Variants in P4HA3 observed in about 807,000 individuals in gnomAD.
P4HA3 encodes the protein prolyl 4-hydroxylase subunit alpha-3.
In P4HA3, 60 loss-of-function variants were observed where a neutral mutation model predicts 66.7. The ratio of observed to expected loss-of-function variants is 0.90; its 90% confidence interval spans 0.73 to 1.12. P4HA3 has a LOEUF of 1.12. Among genes scored for constraint, P4HA3 ranks in the 50% most tolerant of loss-of-function variants. P4HA3 has a pLI of 0.00. For synonymous variants in P4HA3, 263 were observed against 274.6 expected (o/e 0.96, Z 0.42); for missense variants, 683 against 685.8 (o/e 1.00, Z 0.05).
intron 1 of P4HA3, among the ~76,000 whole-genome samples, chr11:74,309,103 CAT>C (rs1011688246): frequency 1.3e-5 from 2 of 152,288 alleles, no homozygotes; most frequent in Admixed American, 1.3e-4. Context: ...GTAGGGATAA[CAT>C]AGCATAGTAG....
At chr11:74,295,098 C>T (rs924513933) in intron 4 of P4HA3, among the ~76,000 whole-genome samples, 1 of 152,160 alleles carries the variant, frequency 6.6e-6, no homozygotes, top group Non-Finnish European at 1.5e-5. Context: ...GCATGCAAAA[C>T]CATGTAATTG....
At chr11:74,277,276 G>T in intron 8 of P4HA3, 132 bp from the exon 9 acceptor site, 1 of 1,194,662 alleles carries the variant, frequency 8.4e-7, no homozygotes, top group African/African-American at 1.5e-5. Flanking sequence ...GGAGGAAAGA[G>T]AGGGAGGGAA....
At chr11:74,258,316 G>A (rs1859859155) in intron 15 of P4HA3, among the ~76,000 whole-genome samples, 1 of 152,192 alleles carries the variant, frequency 6.6e-6, no homozygotes, top group Non-Finnish European at 1.5e-5. Context: ...CAGGCAATAG[G>A]TGACTGAGGA....
At position 74,284,165 on chromosome 11, in the gene P4HA3, T is replaced by C. The variant is rs188027252; in HGVS notation, c.1110+1644A>G. ...TATCTTTAAAGAGGCAACATGCTTA[T>C]AGAGGTGCATTTTTTCTTGTTAATA... On this transcript the variant is annotated intron_variant, in intron 7 of 12. Transcript: ENST00000331597. Among the ~76,000 whole-genome samples, 34 of 152,358 alleles carry C rather than the reference T, an allele frequency of 2.2e-4. 1 individual carries two copies. Among genetic ancestry groups the C allele is most frequent in the African/African-American group, 7.9e-4 (33 of 41,576 alleles).
chr11:74,286,128 T>C (rs1860790629), intron 6 of P4HA3, 100 bp downstream of exon 6: 2 of 1,495,848 alleles, frequency 1.3e-6, no homozygotes, highest in Middle Eastern at 2.3e-4. Context: ...AGCTTTATTG[T>C]TTTTAATGCA....
intron 15 of P4HA3, chr11:74,259,765 C>T (rs1199133095): frequency 1.3e-5 from 2 of 152,184 alleles, no homozygotes; most frequent in Non-Finnish European, 2.9e-5. Flanking sequence ...AATTCTGTTC[C>T]ATTTTATGGC....
chr11:74,261,926 T>A (rs939376324), downstream of P4HA3, among the ~76,000 whole-genome samples: 4 of 152,238 alleles, frequency 2.6e-5, no homozygotes, highest in African/African-American at 9.6e-5. Context: ...GAAACCTTGC[T>A]TCTAGTCTTG....
chr11:74,283,117 T>C (rs1211019293), intron 7 of P4HA3, among the ~76,000 whole-genome samples: 1 of 152,168 alleles, frequency 6.6e-6, no homozygotes, highest in African/African-American at 2.4e-5. Flanking sequence ...ACCATGTCAG[T>C]CCAGGGCTGA....
chr11:74,266,783 G>A lies in P4HA3; in HGVS notation c.*465C>T, dbSNP rs1292871637. The A allele has an allele frequency of 2.2e-6, 1 of 452,248 alleles. No homozygotes were observed. Among genetic ancestry groups the A allele is most frequent in the Non-Finnish European group, 3.9e-6 (1 of 256,004 alleles). 28.0% of individuals were successfully genotyped at this position (452,248 alleles called of 1,614,324 possible). A position where few individuals can be genotyped will look rare whatever the true frequency, so the allele number is the denominator to read the frequency against. On this transcript the variant is annotated 3_prime_UTR_variant, in exon 13 of 13. Coordinates refer to ENST00000331597, the MANE Select transcript of P4HA3 (RefSeq NM_182904.5). ...CATCTGGGATATGCTTCTGGGAGGG[G>A]GACACTCCCTGCTTGGGCTGCAGCA... is the stretch of plus-strand genomic sequence containing the variant.
intron 4 of P4HA3, among the ~76,000 whole-genome samples, chr11:74,293,925 T>C (rs1169864098): frequency 6.6e-6 from 1 of 152,208 alleles, no homozygotes; most frequent in South Asian, 2.1e-4. Flanking sequence ...ATTATGTGTC[T>C]TGGAGTTGCT....
intron 3 of P4HA3, among the ~76,000 whole-genome samples, chr11:74,298,598 C>T (rs542874924): frequency 6.6e-6 from 1 of 152,268 alleles, no homozygotes; most frequent in South Asian, 2.1e-4. Flanking sequence ...AGAACATGAC[C>T]TCAATTAACT....
intron 15 of P4HA3, among the ~76,000 whole-genome samples, chr11:74,259,266 C>T (rs1447639394): frequency 1.3e-5 from 2 of 152,146 alleles, no homozygotes; most frequent in Non-Finnish European, 2.9e-5. Context: ...GTAATCCCAG[C>T]TACTCAGGAG....
chr11:74,274,606 C>G (rs1463732436), intron 9 of P4HA3, among the ~76,000 whole-genome samples: 1 of 152,238 alleles, frequency 6.6e-6, no homozygotes, highest in Non-Finnish European at 1.5e-5. Context: ...AGCCACCGTG[C>G]CCAGCCCCAA....
At chr11:74,288,714 C>T (rs1860888894) in intron 5 of P4HA3, among the ~76,000 whole-genome samples, 3 of 151,910 alleles carry the variant, frequency 2.0e-5, no homozygotes, top group African/African-American at 4.8e-5. Context: ...ATTGGGAGCC[C>T]GAGGTTGGGG....
At chr11:74,254,022 G>C (rs541610236) in intron 15 of P4HA3, 4 of 156,304 alleles carry the variant, frequency 2.6e-5, no homozygotes, top group African/African-American at 9.6e-5. Flanking sequence ...TCCAGGTTTG[G>C]AAGACCCAGA....
At position 74,267,213 on chromosome 11, in the gene P4HA3, C is replaced by A. The variant is rs200079650; in HGVS notation, c.*35G>T. Reference sequence around the variant, plus strand: ...TTTGGCTCCTGGCTTCTCTGGAAAGCCACAGGACTCCACCAGCTTCTCTCT... The same window carrying A: ...TTTGGCTCCTGGCTTCTCTGGAAAGACACAGGACTCCACCAGCTTCTCTCT... On this transcript the variant is annotated 3_prime_UTR_variant, in exon 13 of 13. Transcript: ENST00000331597. 2 of 1,613,808 alleles carry A rather than the reference C, an allele frequency of 1.2e-6. No homozygotes were observed. Among genetic ancestry groups the A allele is most frequent in the Non-Finnish European group, 1.7e-6 (2 of 1,179,980 alleles).
At chr11:74,255,867 C>G (rs984136597) in intron 15 of P4HA3, 5 of 464,456 alleles carry the variant, frequency 1.1e-5, no homozygotes, top group African/African-American at 1.0e-4. Context: ...AGTTCATGAG[C>G]TCCCTAGTAG....
intron 1 of P4HA3, among the ~76,000 whole-genome samples, chr11:74,309,147 G>A (rs1267003975): frequency 6.6e-6 from 1 of 152,242 alleles, no homozygotes; most frequent in Non-Finnish European, 1.5e-5. Context: ...CAAAACAACT[G>A]TGTCCTAGTC....
chr11:74,261,062 C>G (rs901410628), intron 14 of P4HA3, among the ~76,000 whole-genome samples: 1 of 152,168 alleles, frequency 6.6e-6, no homozygotes, highest in Non-Finnish European at 1.5e-5. Flanking sequence ...AGCTTGTACC[C>G]GCATTCAGGG....
Sources: allele counts gnomAD v4.1 joint callset (sites outside exome capture counted in the v4.1 genomes callset), GRCh38; gene constraint gnomAD v4.1.1; transcripts MANE v1.5; gene names NCBI Gene and HGNC (gene_info 2026-07-23, HGNC 2026-07-21).